PCDH7: variants seen among roughly 807,000 people sequenced by gnomAD.
The protein encoded by PCDH7 is protocadherin 7.
In PCDH7, 17 loss-of-function variants were observed where a neutral mutation model predicts 58.9. The ratio of observed to expected loss-of-function variants is 0.29; its 90% CI spans 0.20 to 0.43. The LOEUF (loss-of-function observed/expected upper bound fraction) is 0.43. PCDH7 is among the 20% of genes least tolerant of loss of function. The probability of loss-of-function intolerance (pLI) is 1.00; values close to 1 mark genes in which losing one functional copy is unlikely to be tolerated. For missense variants in PCDH7, 1,274 were observed against 1,441.0 expected (o/e 0.88, Z 1.88); for synonymous variants, 664 against 616.4 (o/e 1.08, Z -1.14).
chr4:30,864,636 T>A (rs771586972), intron 1 of PCDH7, among the ~76,000 whole-genome samples: 6 of 152,090 alleles, frequency 3.9e-5, no homozygotes, highest in South Asian at 2.1e-4. Context: ...GATGCTTTGG[T>A]ATTCTCTTCA....
At chr4:31,028,859 A>C (rs1754662456) in intron 3 of PCDH7, among the ~76,000 whole-genome samples, 1 of 152,152 alleles carries the variant, frequency 6.6e-6, no homozygotes, top group Non-Finnish European at 1.5e-5. Context: ...TTTATGAAAA[A>C]AATAGAAAAA....
At chr4:30,784,381 G>A (rs560424756) in intron 1 of PCDH7, among the ~76,000 whole-genome samples, 28 of 152,194 alleles carry the variant, frequency 1.8e-4, no homozygotes, top group South Asian at 1.0e-3. Flanking sequence ...CATTTGTTGA[G>A]CACATCACAG....
chr4:30,963,891 G>A (rs1331335524), intron 3 of PCDH7, among the ~76,000 whole-genome samples: 1 of 152,202 alleles, frequency 6.6e-6, no homozygotes, highest in Non-Finnish European at 1.5e-5. Flanking sequence ...GGCAGTCTCA[G>A]AGGGGCCATA....
chr4:31,099,902 TAATGTG>T (rs1560223994), intron 3 of PCDH7, among the ~76,000 whole-genome samples: 1 of 151,874 alleles, frequency 6.6e-6, no homozygotes, highest in Non-Finnish European at 1.5e-5. Flanking sequence ...GGTAGGAGGG[TAATGTG>T]ATCTTTACAT....
intron 3 of PCDH7, among the ~76,000 whole-genome samples, chr4:31,054,477 A>G (rs937641332): frequency 5.9e-5 from 9 of 152,212 alleles, no homozygotes; most frequent in South Asian, 2.1e-4. Flanking sequence ...TACAGTGAGC[A>G]AGAACATCAA....
At chr4:31,145,976 C>T (rs1284438631), downstream of PCDH7, 1 of 152,062 alleles carries the variant, frequency 6.6e-6, no homozygotes, top group Non-Finnish European at 1.5e-5. Context: ...CATTAGGACA[C>T]ATTTATAAAT....
intron 1 of PCDH7, among the ~76,000 whole-genome samples, chr4:30,769,448 A>C (rs545995876): frequency 2.6e-4 from 40 of 152,294 alleles, no homozygotes; most frequent in African/African-American, 9.6e-4. Context: ...TTATCCGATA[A>C]GCCTCAATTT....
Position 31,028,657 on chromosome 4 carries a change from CAAA to C in PCDH7, c.*7+78455_*7+78457del, listed in dbSNP as rs5857218. On this transcript the variant is annotated intron_variant, in intron 3 of 3. Coordinates refer to the PCDH7 transcript ENST00000509759. ...TAAGCACCAGAACAAGACCCTGCTT[CAAA>C]AAAAAAAAAAAATACCCAAACTTTA... is the stretch of plus-strand genomic sequence containing the variant. Among the ~76,000 whole-genome samples, 758 of 134,858 alleles carry C rather than the reference CAAA, an allele frequency of 5.6e-3. 6 individuals are homozygous for C. Among genetic ancestry groups the C allele is most frequent in the South Asian group, 0.016 (66 of 4,210 alleles). The allele number at this position is 134,858 out of a possible 152,430, so 88.5% of individuals were successfully genotyped here. A position where few individuals can be genotyped will look rare whatever the true frequency, so the allele number is the denominator to read the frequency against.
At chr4:30,899,287 G>A (rs552142799) in intron 1 of PCDH7, among the ~76,000 whole-genome samples, 44 of 152,268 alleles carry the variant, frequency 2.9e-4, no homozygotes, top group East Asian at 5.8e-4. Flanking sequence ...TGAGAGGCCC[G>A]TAAGGTATTG....
chr4:31,056,685 G>A (rs1343396495), intron 3 of PCDH7, among the ~76,000 whole-genome samples: 2 of 150,884 alleles, frequency 1.3e-5, no homozygotes, highest in African/African-American at 4.9e-5. Context: ...GAAAGAGAGA[G>A]GAGAGAGACA....
At chr4:30,782,325 T>C (rs1213118979) in intron 1 of PCDH7, among the ~76,000 whole-genome samples, 1 of 152,178 alleles carries the variant, frequency 6.6e-6, no homozygotes, top group East Asian at 1.9e-4. Context: ...AAACATAATG[T>C]AAGGGGAACC....
chr4:31,006,747 C>T (rs1324054047), intron 3 of PCDH7, among the ~76,000 whole-genome samples: 2 of 151,842 alleles, frequency 1.3e-5, no homozygotes, highest in Non-Finnish European at 2.9e-5. Context: ...ACAAAATTAG[C>T]CAGGTGTAGT....
intron 3 of PCDH7, among the ~76,000 whole-genome samples, chr4:31,039,394 C>G (rs891290974): frequency 6.6e-6 from 1 of 152,076 alleles, no homozygotes; most frequent in African/African-American, 2.4e-5. Flanking sequence ...TTTTGTTTTG[C>G]TTTGTTTTAG....
chr4:30,850,147 C>T (rs1213670804), intron 1 of PCDH7, among the ~76,000 whole-genome samples: 1 of 152,082 alleles, frequency 6.6e-6, no homozygotes, highest in African/African-American at 2.4e-5. Context: ...ACAAGTACAA[C>T]TGAATTACAC....
chr4:31,034,886 C>G (rs1450742376), intron 3 of PCDH7, among the ~76,000 whole-genome samples: 1 of 152,178 alleles, frequency 6.6e-6, no homozygotes, highest in South Asian at 2.1e-4. Context: ...ACATGAATCA[C>G]TCTTTCAAAT....
At chr4:30,843,474 G>A (rs1046960106) in intron 1 of PCDH7, among the ~76,000 whole-genome samples, 1 of 152,110 alleles carries the variant, frequency 6.6e-6, no homozygotes, top group African/African-American at 2.4e-5. Context: ...GATTACAGGC[G>A]TGAGCCACTC....
chr4:30,780,704 G>T (rs757911320), intron 1 of PCDH7, among the ~76,000 whole-genome samples: 3 of 152,080 alleles, frequency 2.0e-5, no homozygotes, highest in Admixed American at 6.6e-5. Flanking sequence ...TCTTTTGATA[G>T]TTATTGAATT....
At chr4:30,748,356 C>T (rs1718040226) in intron 1 of PCDH7, among the ~76,000 whole-genome samples, 2 of 152,048 alleles carry the variant, frequency 1.3e-5, no homozygotes, top group Non-Finnish European at 2.9e-5. Context: ...ACAGACTGGG[C>T]AATTTATAAA....
At chr4:31,068,152 A>G (rs1328238525) in intron 3 of PCDH7, among the ~76,000 whole-genome samples, 1 of 151,958 alleles carries the variant, frequency 6.6e-6, no homozygotes, top group East Asian at 1.9e-4. Flanking sequence ...CATTTAAAGC[A>G]ATAATTTTCA....
Sources: allele counts gnomAD v4.1 joint callset (sites outside exome capture counted in the v4.1 genomes callset), GRCh38; gene constraint gnomAD v4.1.1; transcripts MANE v1.5; gene names NCBI Gene and HGNC (gene_info 2026-07-23, HGNC 2026-07-21).